ELAVL1: variants seen among roughly 807,000 people sequenced by gnomAD.
The protein encoded by ELAVL1 is ELAV like RNA binding protein 1, also known as ELAV-like protein 1.
ELAVL1 carries 1 observed loss-of-function variant against 28.4 expected under a neutral mutation model. The ratio of observed to expected loss-of-function variants is 0.04; its 90% CI spans 0.01 to 0.17. The LOEUF (loss-of-function observed/expected upper bound fraction) is 0.17. ELAVL1 is among the 10% of genes least tolerant of loss of function. ELAVL1 has a pLI of 1.00. For synonymous variants in ELAVL1, 174 were observed against 183.5 expected, an observed-to-expected ratio of 0.95 and a Z score of 0.42; for missense variants, 157 against 447.2, an observed-to-expected ratio of 0.35 and a Z score of 5.85.
At chr19:8,001,986 T>C in intron 1 of ELAVL1, 1 of 1,239,482 alleles carries the variant, frequency 8.1e-7, no homozygotes, top group Non-Finnish European at 1.1e-6. Flanking sequence ...TCTCCTTGTC[T>C]CCCCCCAGCC....
intron 5 of ELAVL1, among the ~76,000 whole-genome samples, chr19:7,964,476 G>T (rs1255279129): frequency 6.6e-6 from 1 of 152,066 alleles, no homozygotes; most frequent in Non-Finnish European, 1.5e-5. Flanking sequence ...GCAACGGCAG[G>T]CTCACCAAAC....
chr19:7,983,019 C>G (rs1985503506), intron 2 of ELAVL1, among the ~76,000 whole-genome samples: 1 of 152,182 alleles, frequency 6.6e-6, no homozygotes, highest in Admixed American at 6.6e-5. Context: ...GTGACTCCCA[C>G]CCCTTTCCAC....
chr19:8,002,254 C>T (rs1271714828), intron 1 of ELAVL1: 4 of 582,218 alleles, frequency 6.9e-6, no homozygotes, highest in Non-Finnish European at 1.1e-5. Flanking sequence ...GTTAGCTCCT[C>T]CCCACCGCTA....
intron 2 of ELAVL1, among the ~76,000 whole-genome samples, chr19:7,985,794 C>G (rs1402099367): frequency 6.6e-6 from 1 of 152,166 alleles, no homozygotes; most frequent in Non-Finnish European, 1.5e-5. Context: ...GCAGGGCTGT[C>G]CCAGAGGCCA....
Position 7,991,658 on chromosome 19 carries a change from C to T in ELAVL1, c.158G>A (p.Arg53Gln). 2 of 1,611,226 alleles carry T rather than the reference C, an allele frequency of 1.2e-6. No individual in the cohort carries two copies. The highest frequency in any genetic ancestry group is 1.7e-6 in the Non-Finnish European group (2 of 1,178,394). ...CATTTCTTTACCTGCTACTTTATCC[C>T]GAATAAGTTTTGCAGATTCAACTTC... is the stretch of plus-strand genomic sequence containing the variant. ...IGEVESAKLI[R>Q]DKVAGHSLGY... The change falls in exon 2 of 6, where the codon CGG becomes CAG. Residue 53 changes from arginine to glutamine, a missense_variant. Physicochemically the swap from Arg to Gln is conservative, Grantham distance 43. Around this residue, in one of 4 missense-constraint regions of ELAVL1, gnomAD observed 28 missense variants for 89.7 expected, o/e 0.31. Transcript: ENST00000407627.
chr19:7,975,987 G>A (rs1185530250), intron 3 of ELAVL1, among the ~76,000 whole-genome samples: 1 of 152,026 alleles, frequency 6.6e-6, no homozygotes, highest in Non-Finnish European at 1.5e-5. Context: ...CAGCTACTCG[G>A]GAGGCTGAGG....
Position 8,002,087 on chromosome 19 carries a change from C to T in ELAVL1, c.-17+3408G>A, listed in dbSNP as rs1385656063. On this transcript the variant is annotated intron_variant, in intron 1 of 5. Transcript: ENST00000407627. ...ACAGCCAAGCCCTCTGCCCAGTGGACACCTGAGCACTCCTGCCACCACTAC... is the reference window on the plus strand; with the variant it reads ...ACAGCCAAGCCCTCTGCCCAGTGGATACCTGAGCACTCCTGCCACCACTAC... The T allele has an allele frequency of 2.3e-6, 3 of 1,289,240 alleles. No homozygotes were observed. In the South Asian group the frequency reaches 3.7e-5, roughly 16 times the overall value. The allele number at this position is 1,289,240 out of a possible 1,614,324, so 79.9% of individuals were successfully genotyped here.
chr19:7,987,006 T>C (rs942561971), intron 2 of ELAVL1, among the ~76,000 whole-genome samples: 2 of 151,056 alleles, frequency 1.3e-5, no homozygotes, highest in African/African-American at 4.9e-5. Flanking sequence ...ACATGACTCA[T>C]ATTAAGAAAA....
intron 4 of ELAVL1, among the ~76,000 whole-genome samples, chr19:7,972,246 T>C (rs1250277255): frequency 6.6e-6 from 1 of 151,084 alleles, no homozygotes; most frequent in African/African-American, 2.4e-5. Flanking sequence ...CCGAGCTCCC[T>C]GTCCCCCAGG....
chr19:7,981,240 C>G lies in ELAVL1; in HGVS notation c.173-54G>C. Reference sequence around the variant, plus strand: ...AAGCCAACCGTCTGCGAGTGAGGGACAGGGAGGTCGGGAAGCACTATATCT... The same window carrying G: ...AAGCCAACCGTCTGCGAGTGAGGGAGAGGGAGGTCGGGAAGCACTATATCT... On this transcript the variant is annotated intron_variant, in intron 2 of 5. Transcript: ENST00000407627. This position sits in a 1 kb window ranked among gnomAD's most constrained non-coding sequence, Gnocchi z 4.2. 1.9e-6 allele frequency: 3 copies of G among 1,583,602 alleles called. No individual in the cohort carries two copies. The highest frequency in any genetic ancestry group is 2.6e-6 in the Non-Finnish European group (3 of 1,152,592).
intron 1 of ELAVL1, among the ~76,000 whole-genome samples, chr19:7,999,354 CAG>C (rs1243725889): frequency 6.6e-6 from 1 of 152,184 alleles, no homozygotes; most frequent in African/African-American, 2.4e-5. Flanking sequence ...GCCTGGGCAA[CAG>C]AGTGAGACTG....
intron 1 of ELAVL1, 89 bp from the exon 2 acceptor site, chr19:7,991,920 TTTTC>T (rs893569400): frequency 1.3e-4 from 146 of 1,085,592 alleles, no homozygotes; most frequent in African/African-American, 6.0e-4. Flanking sequence ...CACTTAGAGA[TTTTC>T]TTTCTTTCTT....
At chr19:7,969,511 T>C (rs1985045837) in intron 4 of ELAVL1, among the ~76,000 whole-genome samples, 1 of 152,144 alleles carries the variant, frequency 6.6e-6, no homozygotes, top group Admixed American at 6.6e-5. Flanking sequence ...GCCAGGAATA[T>C]TCTGGGGCTC....
intron 1 of ELAVL1, among the ~76,000 whole-genome samples, chr19:7,995,780 C>T (rs929141500): frequency 1.0e-4 from 14 of 134,512 alleles, no homozygotes; most frequent in African/African-American, 2.5e-4. Flanking sequence ...AAGCCCACTT[C>T]GTTAAAAAAA....
intron 1 of ELAVL1, among the ~76,000 whole-genome samples, chr19:7,998,447 C>T (rs2081056581): frequency 1.3e-5 from 2 of 152,168 alleles, no homozygotes; most frequent in African/African-American, 4.8e-5. Flanking sequence ...CAGGGCCAGG[C>T]CTCAAGTTGT....
At chr19:7,990,870 G>A (rs1441617501) in intron 2 of ELAVL1, among the ~76,000 whole-genome samples, 3 of 152,182 alleles carry the variant, frequency 2.0e-5, no homozygotes, top group East Asian at 1.9e-4. Flanking sequence ...TGGTCTGTCC[G>A]TAATTCTCTC....
In ELAVL1 at chr19:7,979,967, C is replaced by T. The variant is rs1985409206; in HGVS notation, c.276+1116G>A. On this transcript the variant is annotated intron_variant, in intron 3 of 5. Transcript: ENST00000407627. The surrounding 1 kb of genome is among the most constrained non-coding windows in gnomAD (Gnocchi z 5.4). ...ACCCTGCAGTGACTCAGGAGGCCCC[C>T]CTGTGACCATGGAATCTATATGTTA... Among the ~76,000 whole-genome samples the T allele has an allele frequency of 1.3e-5, 2 of 152,174 alleles. No homozygotes were observed. Among genetic ancestry groups the T allele is most frequent in the African/African-American group, 2.4e-5 (1 of 41,434 alleles).
chr19:7,993,441 C>G (rs1265776378), intron 1 of ELAVL1, among the ~76,000 whole-genome samples: 1 of 152,206 alleles, frequency 6.6e-6, no homozygotes, highest in East Asian at 1.9e-4. Context: ...AGTGAGTGAG[C>G]TGGAAAGAGG....
chr19:7,973,738 C>A lies in ELAVL1; in HGVS notation c.417G>T (p.Val139=). Residue 139 remains valine (V), a synonymous_variant, in exon 4 of 6, where the codon GTG becomes GTT. Transcript: ENST00000407627. ...FGRIINSRVL[V]DQTTGLSRGV... is the part of the protein sequence containing the mutation. ...CCCCTCTGGTACCTGTAGTCTGATC[C>A]ACGAGGACCCGCGAGTTGATGATCC... The A allele has an allele frequency of 6.2e-7, 1 of 1,614,070 alleles. No individual in the cohort carries two copies. Among genetic ancestry groups the A allele is most frequent in the Non-Finnish European group, 8.5e-7 (1 of 1,179,984 alleles).
Sources: gnomAD v4.1 joint callset for allele counts (sites outside exome capture counted in the v4.1 genomes callset) on GRCh38, gnomAD v4.1.1 for gene constraint, gnomAD v4.1.1 regional missense constraint, Gnocchi (gnomAD v3.1) non-coding constraint, MANE v1.5 for transcripts, NCBI Gene and HGNC (gene_info 2026-07-23, HGNC 2026-07-21) for gene names.